SHOX: variants seen among roughly 807,000 people sequenced by gnomAD.
SHOX encodes the protein short stature homeobox protein.
Under a neutral mutation model 29.6 loss-of-function variants are expected in SHOX, and 12 were observed. The ratio of observed to expected loss-of-function variants is 0.41; its 90% CI spans 0.26 to 0.66. The LOEUF (loss-of-function observed/expected upper bound fraction) is 0.66, where lower values mean the gene tolerates loss of function less well. SHOX is among the 30% of genes least tolerant of loss of function. The pLI, the probability that SHOX is intolerant of heterozygous loss-of-function variation, is 0.35. For synonymous variants in SHOX, 214 were observed against 200.6 expected, an observed-to-expected ratio of 1.07 and a Z score of -0.57; for missense variants, 499 against 437.7, an observed-to-expected ratio of 1.14 and a Z score of -1.25.
At chrX:655,568 G>GTC (rs1228178183), downstream of SHOX, among the ~76,000 whole-genome samples, 31 of 87,872 alleles carry the variant, frequency 3.5e-4, no homozygotes, top group African/African-American at 1.1e-3. Context: ...CTCTCTCTCT[G>GTC]TCTCTCTCTC....
rs769440704 is a variant in SHOX, at chrX:649,994, T to C, written c.*5358T>C. ...ATCGGATGTTGCTATTAGATTTTCT[T>C]TCTCCGTTCGAGTCTCTGACTGGTG... On this transcript the variant is annotated 3_prime_UTR_variant, in exon 5 of 5. Transcript: ENST00000686671. The C allele has an allele frequency of 6.6e-6, 3 of 456,064 alleles. No homozygotes were observed. Among genetic ancestry groups the C allele is most frequent in the African/African-American group, 6.0e-5 (3 of 50,190 alleles). The allele number at this position is 456,064 out of a possible 1,614,324, so 28.3% of individuals were successfully genotyped here.
chrX:628,769 T>C (rs183822309), upstream of SHOX, among the ~76,000 whole-genome samples: 34 of 6,010 alleles, frequency 5.7e-3, 11 homozygotes, highest in African/African-American at 0.025. Context: ...CTCTCTCTTT[T>C]TCTCTCTCTA....
chrX:635,476 C>A (rs1337040993), intron 2 of SHOX, among the ~76,000 whole-genome samples: 1 of 152,150 alleles, frequency 6.6e-6, no homozygotes, highest in Non-Finnish European at 1.5e-5. Flanking sequence ...TCCCTCCTCC[C>A]CTCTCCAGCC....
At chrX:624,873 TC>T (rs1475793812) in intron 1 of SHOX, among the ~76,000 whole-genome samples, 4 of 53,630 alleles carry the variant, frequency 7.5e-5, no homozygotes, top group African/African-American at 6.1e-4. Flanking sequence ...TTTCTTTCTT[TC>T]TTTCTTTCTT....
intron 4 of SHOX, 52 bp downstream of exon 4, chrX:641,139 C>T: frequency 6.6e-7 from 1 of 1,522,774 alleles, no homozygotes; most frequent in African/African-American, 1.4e-5. Flanking sequence ...CTGCTCCCTT[C>T]CCCTTTCCCC....
intron 2 of SHOX, among the ~76,000 whole-genome samples, chrX:635,256 G>A (rs2052724836): frequency 6.6e-6 from 1 of 152,014 alleles, no homozygotes; most frequent in Non-Finnish European, 1.5e-5. Flanking sequence ...CTTAGGAGAC[G>A]AAGCTACAGA....
In SHOX at chrX:648,918, T is replaced by TTTTC. The variant is rs374800918; in HGVS notation, c.*4292_*4295dup. On this transcript the variant is annotated 3_prime_UTR_variant, in exon 5 of 5. Transcript: ENST00000686671. ...TTCCTTCCTTCCTTCCTTTCTTTCT[T>TTTTC]TTTCTTTCTTTCTCTCTTTCTTTCT... Among the ~76,000 whole-genome samples the TTTTC allele has an allele frequency of 0.28, 39,638 of 144,116 alleles. 6,051 individuals carry two copies. Among genetic ancestry groups the TTTTC allele is most frequent in the Non-Finnish European group, 0.34 (22,112 of 65,142 alleles). The allele number at this position is 144,116 out of a possible 152,430, so 94.5% of individuals were successfully genotyped here.
intron 4 of SHOX, among the ~76,000 whole-genome samples, chrX:643,197 T>C (rs1321523923): frequency 7.2e-6 from 1 of 138,048 alleles, no homozygotes; most frequent in African/African-American, 2.8e-5. Context: ...CTTGGGGACC[T>C]GGTGTCTCTG....
intron 1 of SHOX, among the ~76,000 whole-genome samples, chrX:632,341 G>A (rs1305723484): frequency 6.6e-6 from 1 of 152,218 alleles, no homozygotes; most frequent in African/African-American, 2.4e-5. Context: ...TGGCCCCGGG[G>A]ATCTCTGTGC....
intron 5 of SHOX, among the ~76,000 whole-genome samples, chrX:658,531 C>T (rs892133048): frequency 4.0e-5 from 6 of 148,584 alleles, no homozygotes; most frequent in East Asian, 2.0e-4. Context: ...AGTGCAGTGG[C>T]ACGATCTCCG....
downstream of SHOX, among the ~76,000 whole-genome samples, chrX:652,025 C>A (rs976207982): frequency 6.6e-6 from 1 of 152,036 alleles, no homozygotes; most frequent in Non-Finnish European, 1.5e-5. Flanking sequence ...CGGGTTCAAG[C>A]GACTCTCCTG....
upstream of SHOX, among the ~76,000 whole-genome samples, chrX:627,854 C>T (rs1048531685): frequency 2.0e-5 from 3 of 152,176 alleles, no homozygotes. Flanking sequence ...GAGAAGACAG[C>T]TGAGCTGGGA....
rs1388801147 is a variant in SHOX at position 649,817 on chromosome X, C to T, written c.*5181C>T. 2.3e-5 allele frequency: 10 copies of T among 437,298 alleles called. No individual in the cohort carries two copies. Among genetic ancestry groups the T allele is most frequent in the Middle Eastern group, 3.4e-4 (1 of 2,984 alleles). 27.1% of individuals were successfully genotyped at this position (437,298 alleles called of 1,614,324 possible). On this transcript the variant is annotated 3_prime_UTR_variant, in exon 5 of 5. Transcript: ENST00000686671. The stretch of plus-strand genomic sequence containing the variant: ...CTCCCCAAAACTTGGCCAAATAGTC[C>T]GTGGAGGGTTGTCAGTCGCCGCAGT...
At chrX:633,123 G>A (rs1444471330) in intron 1 of SHOX, among the ~76,000 whole-genome samples, 2 of 152,162 alleles carry the variant, frequency 1.3e-5, no homozygotes, top group African/African-American at 4.8e-5. Context: ...CTGCCACCCA[G>A]GCTACTATTT....
intron 1 of SHOX, 64 bp from the exon 2 acceptor site, chrX:634,554 G>C (rs1416298188): frequency 6.4e-7 from 1 of 1,564,922 alleles, no homozygotes; most frequent in Admixed American, 1.8e-5. Context: ...GATGCACGAA[G>C]GGGTTCGCCA....
Position 650,013 on chromosome X carries a change from A to G in SHOX, c.*5377A>G, listed in dbSNP as rs995458971. On this transcript the variant is annotated 3_prime_UTR_variant, in exon 5 of 5. Transcript: ENST00000686671. ...TTTTCTTTCTCCGTTCGAGTCTCTG[A>G]CTGGTGCATACTTTGCAAAGGTGTG... 2 of 455,964 alleles carry G rather than the reference A, an allele frequency of 4.4e-6. No homozygotes were observed. The highest frequency in any genetic ancestry group is 2.4e-5 in the Admixed American group (1 of 42,544). 28.2% of individuals were successfully genotyped at this position (455,964 alleles called of 1,614,324 possible).
Position 650,085 on chromosome X carries a change from C to A in SHOX, c.*5449C>A. 2.2e-6 allele frequency: 1 copy of A among 448,932 alleles called. No individual in the cohort carries two copies. The highest frequency in any genetic ancestry group is 1.6e-5 in the South Asian group (1 of 63,080). 27.8% of individuals were successfully genotyped at this position (448,932 alleles called of 1,614,324 possible). A position where few individuals can be genotyped will look rare whatever the true frequency, so the allele number is the denominator to read the frequency against. On this transcript the variant is annotated 3_prime_UTR_variant, in exon 5 of 5. Transcript: ENST00000686671. ...TAGAAAAATGCACCTTCTCTGGTGG[C>A]CGTTGGGGTGTTGTTTCACAGGCAG...
chrX:656,736 A>G (rs79469772), intron 5 of SHOX, among the ~76,000 whole-genome samples: 78,286 of 115,730 alleles, frequency 0.68, 26,133 homozygotes, highest in East Asian at 0.81. Context: ...CCAGCTACTC[A>G]GGAGGCTGAG....
upstream of SHOX, among the ~76,000 whole-genome samples, chrX:626,862 CTGTCTCTCTT>C (rs1036430430): frequency 2.2e-4 from 34 of 151,418 alleles, no homozygotes; most frequent in Non-Finnish European, 4.7e-4. Context: ...CTGTCTGTCT[CTGTCTCTCTT>C]TGTCTCTCTC....
Sources: gnomAD v4.1 joint callset for allele counts (sites outside exome capture counted in the v4.1 genomes callset) on GRCh38, gnomAD v4.1.1 for gene constraint, MANE v1.5 for transcripts, NCBI Gene and HGNC (gene_info 2026-07-23, HGNC 2026-07-21) for gene names.